MICU3: variants seen among roughly 807,000 people sequenced by gnomAD.
MICU3 encodes calcium uptake protein 3, mitochondrial.
A neutral mutation model predicts 66.5 loss-of-function variants in MICU3; 62 were observed. The ratio of observed to expected loss-of-function variants is 0.93; its 90% CI spans 0.76 to 1.15. MICU3 has a LOEUF of 1.15. Among genes scored for constraint, MICU3 ranks in the 50% most tolerant of loss-of-function variants. MICU3 has a pLI of 0.00. For missense variants in MICU3, 779 were observed against 664.4 expected, an observed-to-expected ratio of 1.17 and a Z score of -1.90; for synonymous variants, 308 against 240.7, an observed-to-expected ratio of 1.28 and a Z score of -2.59.
Position 17,077,764 on chromosome 8 carries a change from A to G in MICU3, c.568-19A>G. The stretch of plus-strand genomic sequence containing the variant: ...GTAAGTTGTTTACCAATTCATCAGT[A>G]GTATAACTTCTGTCATAGGAATTAA... On this transcript the variant is annotated intron_variant, in intron 3 of 14. Transcript: ENST00000318063. The G allele has an allele frequency of 1.3e-6, 2 of 1,560,436 alleles. No individual in the cohort carries two copies. Among genetic ancestry groups the G allele is most frequent in the Non-Finnish European group, 1.8e-6 (2 of 1,133,958 alleles).
At chr8:17,061,189 A>C (rs971779558) in intron 1 of MICU3, among the ~76,000 whole-genome samples, 6 of 152,120 alleles carry the variant, frequency 3.9e-5, no homozygotes, top group African/African-American at 1.4e-4. Context: ...GAAATTAGAG[A>C]GAGGACTGCA....
At chr8:17,076,101 A>C (rs1820351442) in intron 3 of MICU3, among the ~76,000 whole-genome samples, 1 of 152,118 alleles carries the variant, frequency 6.6e-6, no homozygotes, top group African/African-American at 2.4e-5. Context: ...ATCATGGCTC[A>C]CTATAGCCTC....
chr8:17,069,603 G>A, intron 2 of MICU3, 85 bp from the exon 3 acceptor site: 1 of 825,192 alleles, frequency 1.2e-6, no homozygotes, highest in Non-Finnish European at 1.8e-6. Context: ...TTGGTTATGA[G>A]TTATGGTTGT....
rs147844762 is a variant in MICU3, at chr8:17,110,575, C to A, written c.1258-3518C>A. Reference sequence around the variant, plus strand: ...TTTTATTATTCACTTAAATTTATTTCTTTTAAGAAATGGGGTCTTTCTCTG... The same window carrying A: ...TTTTATTATTCACTTAAATTTATTTATTTTAAGAAATGGGGTCTTTCTCTG... On this transcript the variant is annotated intron_variant, in intron 11 of 14. Transcript: ENST00000318063. 3.9e-5 allele frequency among the ~76,000 whole-genome samples: 6 copies of A among 152,074 alleles called. No homozygotes were observed. The East Asian group carries it at 1.2e-3, about 29-fold the overall frequency.
At chr8:17,107,983 G>A (rs1044341786) in intron 11 of MICU3, among the ~76,000 whole-genome samples, 1 of 152,170 alleles carries the variant, frequency 6.6e-6, no homozygotes, top group Non-Finnish European at 1.5e-5. Flanking sequence ...AGATAAGCAT[G>A]GCTTGGACCA....
At chr8:17,080,539 CT>C (rs1156387587) in intron 4 of MICU3, among the ~76,000 whole-genome samples, 2 of 152,090 alleles carry the variant, frequency 1.3e-5, no homozygotes, top group East Asian at 3.9e-4. Context: ...CTCGCCCCTT[CT>C]TTTATGCTCT....
At chr8:17,092,938 A>G (rs1800232013) in intron 8 of MICU3, among the ~76,000 whole-genome samples, 1 of 152,066 alleles carries the variant, frequency 6.6e-6, no homozygotes, top group African/African-American at 2.4e-5. Flanking sequence ...TTTAGGAAGA[A>G]GTTTCCTCAG....
intron 2 of MICU3, among the ~76,000 whole-genome samples, chr8:17,067,464 C>G (rs1053029400): frequency 1.3e-5 from 2 of 151,428 alleles, no homozygotes; most frequent in South Asian, 2.1e-4. Context: ...GAGACTCGCT[C>G]TGTCAACTAG....
chr8:17,089,973 A>G (rs1486932702), intron 7 of MICU3, among the ~76,000 whole-genome samples: 1 of 152,064 alleles, frequency 6.6e-6, no homozygotes, highest in East Asian at 1.9e-4. Flanking sequence ...TGAACATAAC[A>G]TTTCTTGGGA....
intron 1 of MICU3, among the ~76,000 whole-genome samples, chr8:17,051,402 T>C (rs186939825): frequency 8.4e-4 from 128 of 152,300 alleles, no homozygotes; most frequent in African/African-American, 2.9e-3. Context: ...CCTGCGTTCA[T>C]GGAATTTATA....
chr8:17,126,822 G>C (rs1273036619), downstream of MICU3, among the ~76,000 whole-genome samples: 1 of 152,112 alleles, frequency 6.6e-6, no homozygotes. Flanking sequence ...GTTTAGGTTT[G>C]GATGGTAGGA....
intron 1 of MICU3, among the ~76,000 whole-genome samples, chr8:17,053,307 A>G (rs944279522): frequency 6.6e-6 from 1 of 152,194 alleles, no homozygotes; most frequent in Non-Finnish European, 1.5e-5. Flanking sequence ...CAAGTAGTGA[A>G]TCCTTTATCT....
chr8:17,070,385 T>C (rs1052445874), intron 3 of MICU3, among the ~76,000 whole-genome samples: 2 of 152,020 alleles, frequency 1.3e-5, no homozygotes, highest in African/African-American at 4.8e-5. Context: ...AAATACAAAG[T>C]ATAATTCTAT....
At chr8:17,040,268 C>G in intron 1 of MICU3, among the ~76,000 whole-genome samples, 1 of 152,226 alleles carries the variant, frequency 6.6e-6, no homozygotes, top group Middle Eastern at 3.4e-3. Flanking sequence ...TTATTCATTA[C>G]CCACGCTATA....
chr8:17,038,008 C>G (rs920705458), intron 1 of MICU3, among the ~76,000 whole-genome samples: 4 of 152,168 alleles, frequency 2.6e-5, no homozygotes, highest in Admixed American at 2.6e-4. Flanking sequence ...CCCTTTGTAT[C>G]TAGGAAGTAA....
chr8:17,098,648 T>C (rs1800983497), intron 9 of MICU3, 95 bp downstream of exon 9: 1 of 803,774 alleles, frequency 1.2e-6, no homozygotes, highest in Admixed American at 2.1e-5. Context: ...ACCCAACATG[T>C]ATGTTACATT....
At chr8:17,136,954 C>T in the MICU3 span, among the ~76,000 whole-genome samples, 3 of 151,992 alleles carry the variant, frequency 2.0e-5, no homozygotes, top group South Asian at 6.2e-4. Flanking sequence ...CCTGCCTCAG[C>T]CTCCCAAGTA....
At chr8:17,101,786 GAAGT>G (rs1563380535) in intron 9 of MICU3, among the ~76,000 whole-genome samples, 1 of 151,786 alleles carries the variant, frequency 6.6e-6, no homozygotes, top group Non-Finnish European at 1.5e-5. Context: ...CAGCAAAAAA[GAAGT>G]AAGAGTGTAT....
intron 3 of MICU3, among the ~76,000 whole-genome samples, 179 bp downstream of exon 3, chr8:17,069,898 A>G (rs919698058): frequency 1.3e-5 from 2 of 151,994 alleles, no homozygotes; most frequent in Non-Finnish European, 2.9e-5. Context: ...GAAAATAAAA[A>G]GGTGGACGTT....
Sources: gnomAD v4.1 joint callset for allele counts (sites outside exome capture counted in the v4.1 genomes callset) on GRCh38, gnomAD v4.1.1 for gene constraint, MANE v1.5 for transcripts, NCBI Gene and HGNC (gene_info 2026-07-23, HGNC 2026-07-21) for gene names.